CDH12: variants seen among roughly 807,000 people sequenced by gnomAD.
CDH12 encodes the protein cadherin-12.
In CDH12, 41 loss-of-function variants were observed where a neutral mutation model predicts 74.1. The ratio of observed to expected loss-of-function variants is 0.55; its 90% CI spans 0.43 to 0.72. The LOEUF (loss-of-function observed/expected upper bound fraction) is 0.72. Ranked by LOEUF, CDH12 falls within the 30% of genes least tolerant of loss-of-function variation. The pLI is 0.00. For missense variants in CDH12, 945 were observed against 977.2 expected (o/e 0.97, Z 0.44); for synonymous variants, 399 against 355.0 (o/e 1.12, Z -1.39).
At chr5:22,190,396 CTAT>C (rs1750207995) in intron 4 of CDH12, among the ~76,000 whole-genome samples, 4 of 148,790 alleles carry the variant, frequency 2.7e-5, no homozygotes, top group Admixed American at 6.6e-5. Context: ...ATCTATCTAT[CTAT>C]CTATCCTCTA....
chr5:22,308,699 C>G (rs551675271), intron 3 of CDH12, among the ~76,000 whole-genome samples: 2 of 152,016 alleles, frequency 1.3e-5, no homozygotes, highest in African/African-American at 4.8e-5. Context: ...TTGATCACAT[C>G]GACAAAGCAA....
intron 6 of CDH12, among the ~76,000 whole-genome samples, chr5:21,859,149 C>T (rs1400302124): frequency 6.6e-6 from 1 of 151,920 alleles, no homozygotes; most frequent in Non-Finnish European, 1.5e-5. Context: ...CCCCTAACCA[C>T]CTGTATTAGT....
At position 22,429,315 on chromosome 5, in the gene CDH12, T is replaced by C. The variant is rs184325350; in HGVS notation, c.-427-23964A>G. Among the ~76,000 whole-genome samples the C allele has an allele frequency of 9.3e-3, 1,415 of 151,546 alleles. 11 individuals are homozygous for C. The highest frequency in any genetic ancestry group is 0.011 in the Non-Finnish European group (726 of 67,806). On this transcript the variant is annotated intron_variant, in intron 2 of 14. Coordinates refer to ENST00000382254, the MANE Select transcript of CDH12 (RefSeq NM_004061.5). ...TCTGGCTACTTTTGTTTTTTTGCAT[T>C]TTTTTTAGAGACACTTTTTTGCCAT...
At chr5:22,391,646 A>G (rs1052115921) in intron 3 of CDH12, among the ~76,000 whole-genome samples, 1 of 152,168 alleles carries the variant, frequency 6.6e-6, no homozygotes, top group African/African-American at 2.4e-5. Flanking sequence ...CCCTACCTAA[A>G]TAACTGATTT....
intron 1 of CDH12, among the ~76,000 whole-genome samples, chr5:22,843,120 T>A (rs1489858136): frequency 1.3e-5 from 2 of 152,062 alleles, no homozygotes; most frequent in African/African-American, 4.8e-5. Flanking sequence ...AATGAATATA[T>A]CTTGGTGCTG....
At chr5:22,728,091 G>T (rs1580933254) in intron 1 of CDH12, among the ~76,000 whole-genome samples, 1 of 151,550 alleles carries the variant, frequency 6.6e-6, no homozygotes, top group Middle Eastern at 3.4e-3. Flanking sequence ...TAATATTACT[G>T]TCAATATATA....
At chr5:22,800,219 T>A (rs540666794) in intron 1 of CDH12, among the ~76,000 whole-genome samples, 65 of 152,260 alleles carry the variant, frequency 4.3e-4, no homozygotes, top group African/African-American at 1.5e-3. Flanking sequence ...TTGTCACTAG[T>A]GTGGGGCTAT....
At chr5:22,168,505 T>G (rs1385051912) in intron 4 of CDH12, among the ~76,000 whole-genome samples, 1 of 152,054 alleles carries the variant, frequency 6.6e-6, no homozygotes, top group African/African-American at 2.4e-5. Context: ...AAATAATTTG[T>G]TTACTATGCA....
At chr5:22,397,420 C>G (rs1323036575) in intron 3 of CDH12, among the ~76,000 whole-genome samples, 6 of 150,648 alleles carry the variant, frequency 4.0e-5, no homozygotes, top group African/African-American at 1.5e-4. Flanking sequence ...GAGGTCATTG[C>G]AATTTACATT....
At chr5:22,319,831 G>C (rs1440070915) in intron 3 of CDH12, among the ~76,000 whole-genome samples, 1 of 151,766 alleles carries the variant, frequency 6.6e-6, no homozygotes, top group Non-Finnish European at 1.5e-5. Context: ...GTGAGAGAAA[G>C]AAGAAAAGGG....
At chr5:22,343,442 G>A (rs1739978048) in intron 3 of CDH12, among the ~76,000 whole-genome samples, 1 of 152,048 alleles carries the variant, frequency 6.6e-6, no homozygotes, top group African/African-American at 2.4e-5. Context: ...TTTTGAGACG[G>A]AGTCTCGCTC....
intron 3 of CDH12, among the ~76,000 whole-genome samples, chr5:22,248,113 A>G (rs2150385572): frequency 6.6e-6 from 1 of 152,256 alleles, no homozygotes; most frequent in East Asian, 1.9e-4. Context: ...CCTGGCCAAC[A>G]TGGTGGTAAA....
intron 4 of CDH12, among the ~76,000 whole-genome samples, chr5:22,140,741 G>A (rs1363963751): frequency 6.6e-6 from 1 of 152,114 alleles, no homozygotes; most frequent in Non-Finnish European, 1.5e-5. Context: ...TGTTCTGGGA[G>A]AGTCCCCTTG....
intron 1 of CDH12, among the ~76,000 whole-genome samples, chr5:22,541,271 G>A (rs1293676534): frequency 6.6e-6 from 1 of 152,156 alleles, no homozygotes; most frequent in Non-Finnish European, 1.5e-5. Context: ...CTGCTGCAGG[G>A]CTTTGGCAGT....
chr5:22,125,867 GC>G (rs1385997395), intron 4 of CDH12, among the ~76,000 whole-genome samples: 2 of 151,868 alleles, frequency 1.3e-5, no homozygotes, highest in African/African-American at 2.4e-5. Flanking sequence ...TGACTCCCTC[GC>G]TTTTTGTTTA....
At chr5:22,254,955 C>T (rs1250584962) in intron 3 of CDH12, among the ~76,000 whole-genome samples, 1 of 151,702 alleles carries the variant, frequency 6.6e-6, no homozygotes, top group Non-Finnish European at 1.5e-5. Flanking sequence ...CTGTAGTTCC[C>T]CTATTATGCT....
chr5:22,673,866 CTAAA>C (rs1313535186), intron 1 of CDH12, among the ~76,000 whole-genome samples: 1 of 152,106 alleles, frequency 6.6e-6, no homozygotes, highest in Non-Finnish European at 1.5e-5. Context: ...TTAGATAACT[CTAAA>C]TAGTACACTT....
chr5:22,654,414 C>T (rs1294093116), intron 1 of CDH12, among the ~76,000 whole-genome samples: 1 of 151,792 alleles, frequency 6.6e-6, no homozygotes, highest in African/African-American at 2.4e-5. Flanking sequence ...CTCAGCCTCC[C>T]AAGTAGCTGG....
chr5:22,512,322 T>C (rs1490161463), intron 1 of CDH12, among the ~76,000 whole-genome samples: 1 of 152,208 alleles, frequency 6.6e-6, no homozygotes, highest in Non-Finnish European at 1.5e-5. Context: ...TACCTGATTC[T>C]GGCATAAAGA....
Sources: allele counts gnomAD v4.1 joint callset (sites outside exome capture counted in the v4.1 genomes callset), GRCh38; gene constraint gnomAD v4.1.1; transcripts MANE v1.5; gene names NCBI Gene and HGNC (gene_info 2026-07-23, HGNC 2026-07-21).